The following ZFHX3 variants were observed in gnomAD, a reference collection of about 807,000 sequenced individuals.
ZFHX3 encodes the protein zinc finger homeobox protein 3.
ZFHX3 carries 42 observed loss-of-function variants against 279.1 expected under a neutral mutation model. That is an observed-to-expected ratio of 0.15 (90% confidence interval 0.12 to 0.19). The LOEUF is 0.19. ZFHX3 is among the 10% of genes least tolerant of loss of function. The probability of loss-of-function intolerance (pLI) is 1.00; values close to 1 mark genes in which losing one functional copy is unlikely to be tolerated. For missense variants in ZFHX3, 4,981 were observed against 4,754.0 expected (o/e 1.05, Z -1.40); for synonymous variants, 2,293 against 1,957.8 (o/e 1.17, Z -4.52).
intron 1 of ZFHX3, among the ~76,000 whole-genome samples, chr16:73,830,428 C>T (rs545222941): frequency 1.3e-5 from 2 of 152,282 alleles, no homozygotes; most frequent in African/African-American, 4.8e-5. Flanking sequence ...TTGGCTCCTC[C>T]CCCTCCAAAT....
chr16:73,801,083 G>T (rs1161473069), intron 1 of ZFHX3, among the ~76,000 whole-genome samples: 4 of 152,170 alleles, frequency 2.6e-5, no homozygotes, highest in Non-Finnish European at 5.9e-5. Flanking sequence ...TCTAATAAAA[G>T]AGAAGTTGGA....
chr16:73,084,848 A>C (rs577411790), intron 8 of ZFHX3, among the ~76,000 whole-genome samples: 25 of 152,298 alleles, frequency 1.6e-4, no homozygotes, highest in Non-Finnish European at 3.7e-4. Flanking sequence ...AACCAAATAC[A>C]TGAAAGATCT....
At chr16:72,849,127 G>A (rs1017277110) in intron 4 of ZFHX3, among the ~76,000 whole-genome samples, 1 of 152,142 alleles carries the variant, frequency 6.6e-6, no homozygotes, top group Non-Finnish European at 1.5e-5. Context: ...AGAGGCCAAC[G>A]CCCGCCCTCC....
intron 3 of ZFHX3, among the ~76,000 whole-genome samples, chr16:72,944,094 G>A: frequency 6.6e-6 from 1 of 152,130 alleles, no homozygotes; most frequent in East Asian, 1.9e-4. Context: ...GACCAGCCTA[G>A]GCAAAATGTC....
chr16:73,327,737 G>T (rs556355739), intron 3 of ZFHX3, among the ~76,000 whole-genome samples: 27 of 152,180 alleles, frequency 1.8e-4, no homozygotes, highest in Non-Finnish European at 3.4e-4. Context: ...GAGTTGCCCT[G>T]GAATAGAATC....
At chr16:73,700,268 T>C (rs1474755140) in intron 1 of ZFHX3, among the ~76,000 whole-genome samples, 4 of 152,118 alleles carry the variant, frequency 2.6e-5, no homozygotes, top group African/African-American at 9.7e-5. Context: ...AAAGTTGATG[T>C]TACTGAGAAT....
At chr16:73,138,069 G>T (rs780646565) in intron 6 of ZFHX3, among the ~76,000 whole-genome samples, 2 of 152,138 alleles carry the variant, frequency 1.3e-5, no homozygotes, top group Non-Finnish European at 1.5e-5. Flanking sequence ...GTGTTTCACT[G>T]GATGCCAAAT....
At chr16:73,073,213 A>G (rs1217987084) in intron 8 of ZFHX3, among the ~76,000 whole-genome samples, 1 of 152,122 alleles carries the variant, frequency 6.6e-6, no homozygotes, top group Non-Finnish European at 1.5e-5. Context: ...TACTTAAGAC[A>G]CATTTCTAGT....
intron 3 of ZFHX3, among the ~76,000 whole-genome samples, chr16:73,340,103 C>T (rs1053393412): frequency 6.6e-6 from 1 of 152,164 alleles, no homozygotes; most frequent in Non-Finnish European, 1.5e-5. Flanking sequence ...AGGTAACAGG[C>T]TTACGTTGCA....
intron 4 of ZFHX3, among the ~76,000 whole-genome samples, chr16:73,272,964 C>G (rs1349535154): frequency 6.6e-6 from 1 of 152,044 alleles, no homozygotes; most frequent in Non-Finnish European, 1.5e-5. Context: ...CTGGGCTGGT[C>G]TTGAACTACT....
At chr16:73,066,927 A>C (rs917726984) in intron 8 of ZFHX3, among the ~76,000 whole-genome samples, 1 of 152,074 alleles carries the variant, frequency 6.6e-6, no homozygotes, top group Non-Finnish European at 1.5e-5. Flanking sequence ...CCCTGAACCC[A>C]ACTGCAGGAG....
At chr16:73,757,202 G>A (rs1409203613) in intron 1 of ZFHX3, among the ~76,000 whole-genome samples, 1 of 152,174 alleles carries the variant, frequency 6.6e-6, no homozygotes, top group African/African-American at 2.4e-5. Context: ...CCTGTAACAT[G>A]CAGAGGACAG....
At chr16:73,347,746 C>G (rs901656696) in intron 3 of ZFHX3, among the ~76,000 whole-genome samples, 4 of 152,232 alleles carry the variant, frequency 2.6e-5, no homozygotes, top group African/African-American at 9.6e-5. Context: ...GCAGCTGTGG[C>G]TGCATCCACT....
chr16:73,375,456 G>C (rs748511994), intron 3 of ZFHX3, among the ~76,000 whole-genome samples: 1 of 152,164 alleles, frequency 6.6e-6, no homozygotes, highest in Middle Eastern at 3.4e-3. Context: ...TGTTAGGGTT[G>C]GTCACTGTTA....
Position 72,797,879 on chromosome 16 carries a change from A to G in ZFHX3, c.4803T>C (p.Cys1601=), listed in dbSNP as rs568515629. The change falls in exon 9 of 10, where the codon TGT becomes TGC. Residue 1601 remains cysteine (C), a synonymous_variant. Transcript: ENST00000268489. ...PDNKPFKCNT[C]NVAYSQSSTL... ...TGGAACTCTGGCTGTAGGCCACATTACAAGTGTTACACTTAAAAGGTTTGT... is the reference window on the plus strand; with the variant it reads ...TGGAACTCTGGCTGTAGGCCACATTGCAAGTGTTACACTTAAAAGGTTTGT... 1.9e-6 allele frequency: 3 copies of G among 1,614,186 alleles called. 1 individual carries two copies. Among genetic ancestry groups the G allele is most frequent in the South Asian group, 2.2e-5 (2 of 91,076 alleles).
chr16:73,237,528 CTTTTTTTTTTT>C (rs886922274), intron 5 of ZFHX3, among the ~76,000 whole-genome samples: 4 of 84,144 alleles, frequency 4.8e-5, no homozygotes, highest in African/African-American at 9.3e-5. Context: ...CAAATGCAGC[CTTTTTTTTTTT>C]TTTTTTTTTT....
At chr16:72,853,468 T>C (rs1344848815) in intron 4 of ZFHX3, among the ~76,000 whole-genome samples, 4 of 152,214 alleles carry the variant, frequency 2.6e-5, no homozygotes, top group Non-Finnish European at 5.9e-5. Flanking sequence ...AAAACTACCT[T>C]CTGGTGCAGT....
intron 3 of ZFHX3, among the ~76,000 whole-genome samples, chr16:72,942,182 C>A (rs1465296457): frequency 3.3e-5 from 5 of 152,204 alleles, no homozygotes; most frequent in Non-Finnish European, 7.3e-5. Context: ...AAGTCCTCAG[C>A]AAGTTGAAAG....
At chr16:73,781,483 G>GC (rs961685780) in intron 1 of ZFHX3, among the ~76,000 whole-genome samples, 1 of 152,170 alleles carries the variant, frequency 6.6e-6, no homozygotes, top group African/African-American at 2.4e-5. Flanking sequence ...TTAGAACACA[G>GC]CCACACTCAT....
Sources: gnomAD v4.1 joint callset for allele counts (sites outside exome capture counted in the v4.1 genomes callset) on GRCh38, gnomAD v4.1.1 for gene constraint, MANE v1.5 for transcripts, NCBI Gene and HGNC (gene_info 2026-07-23, HGNC 2026-07-21) for gene names.